GARRE1: variants seen among roughly 807,000 people sequenced by gnomAD.
GARRE1 encodes granule associated Rac and RHOG effector protein 1.
In GARRE1, 49 loss-of-function variants were observed where a neutral mutation model predicts 103.2. That is an observed-to-expected ratio of 0.47 (90% CI 0.38 to 0.60). The LOEUF (loss-of-function observed/expected upper bound fraction) is 0.60. GARRE1 is among the 20% of genes least tolerant of loss of function. The pLI is 0.00. For synonymous variants in GARRE1, 505 were observed against 532.8 expected (o/e 0.95, Z 0.72); for missense variants, 1,199 against 1,370.5 (o/e 0.87, Z 1.98).
chr19:34,285,376 C>T (rs2073880099), intron 1 of GARRE1: 1 of 152,132 alleles, frequency 6.6e-6, no homozygotes, highest in African/African-American at 2.4e-5. Context: ...AATCCCAACA[C>T]TTTGGGAGGC....
At chr19:34,302,140 G>A (rs7408565) in intron 2 of GARRE1, among the ~76,000 whole-genome samples, 6,131 of 148,880 alleles carry the variant, frequency 0.041, 186 homozygotes, top group Admixed American at 0.11. Context: ...ACAGGCATGC[G>A]CCACCATGCC....
At position 34,342,833 on chromosome 19, in the gene GARRE1, C is replaced by T. The variant is rs528765316; in HGVS notation, c.2521+378C>T. ...TCCTGATTATATAACCTGTTCTTTG[C>T]GATGCTTTTTTTTTTTGCCTAAACT... On this transcript the variant is annotated intron_variant, in intron 10 of 13. Transcript: ENST00000299505. Among the ~76,000 whole-genome samples the T allele has an allele frequency of 3.3e-5, 5 of 151,476 alleles. No homozygotes were observed. The East Asian group carries it at 7.7e-4, about 23-fold the overall frequency.
rs373614902 is a variant in GARRE1, at chr19:34,327,724, T to G, written c.847-47T>G. ...CTATTTCCATTGAACTTTGTCATCT[T>G]ATAATTTGCTTTACGATCTTGATTG... On this transcript the variant is annotated intron_variant, in intron 4 of 13. Coordinates refer to ENST00000299505, the MANE Select transcript of GARRE1 (RefSeq NM_014686.5). 9.6e-6 allele frequency: 15 copies of G among 1,556,094 alleles called. No individual in the cohort carries two copies. In the African/African-American group the frequency reaches 1.6e-4, roughly 17 times the overall value.
chr19:34,296,247 T>A (rs1456237594), intron 1 of GARRE1: 1 of 639,436 alleles, frequency 1.6e-6, no homozygotes, highest in South Asian at 2.0e-5. Flanking sequence ...CAGCAGTCCT[T>A]CTGTTCTCAC....
chr19:34,277,995 A>C (rs1259231087), intron 1 of GARRE1, among the ~76,000 whole-genome samples: 1 of 145,432 alleles, frequency 6.9e-6, no homozygotes, highest in Non-Finnish European at 1.5e-5. Flanking sequence ...TCTTAATATC[A>C]TTATTGACTC....
chr19:34,292,554 G>A (rs2073924084), intron 1 of GARRE1, among the ~76,000 whole-genome samples: 1 of 152,042 alleles, frequency 6.6e-6, no homozygotes, highest in Non-Finnish European at 1.5e-5. Context: ...CTGCCAAACT[G>A]TTCCATAGTA....
In GARRE1 at chr19:34,321,755, C is replaced by T. The variant is rs192793067; in HGVS notation, c.705+1639C>T. On this transcript the variant is annotated intron_variant, in intron 3 of 13. Transcript: ENST00000299505. ...CCTCTGAAAGTGCTGGGATTACAGG[C>T]GTGAGCCACTGCACTGGGCCAACAT... 7.2e-5 allele frequency among the ~76,000 whole-genome samples: 11 copies of T among 152,300 alleles called. No homozygotes were observed. The East Asian group carries it at 7.7e-4, about 11-fold the overall frequency.
At chr19:34,316,601 G>A (rs2074061663) in intron 2 of GARRE1, among the ~76,000 whole-genome samples, 1 of 152,180 alleles carries the variant, frequency 6.6e-6, no homozygotes, top group South Asian at 2.1e-4. Flanking sequence ...AGAAGGTGGT[G>A]GTTATGCATC....
At chr19:34,279,243 A>G (rs926690330) in intron 1 of GARRE1, among the ~76,000 whole-genome samples, 4 of 152,126 alleles carry the variant, frequency 2.6e-5, no homozygotes, top group African/African-American at 9.7e-5. Flanking sequence ...GCACTATTTT[A>G]TATTCCCACT....
At chr19:34,317,078 T>G (rs1351671753) in intron 2 of GARRE1, among the ~76,000 whole-genome samples, 1 of 152,216 alleles carries the variant, frequency 6.6e-6, no homozygotes, top group Non-Finnish European at 1.5e-5. Flanking sequence ...CTTCAGCCAT[T>G]CCTCAGAACT....
chr19:34,302,009 T>TA (rs1264973363), intron 2 of GARRE1, among the ~76,000 whole-genome samples: 3 of 108,910 alleles, frequency 2.8e-5, no homozygotes, highest in Admixed American at 1.0e-4. Flanking sequence ...TTTTTTTTTT[T>TA]AAGTCAGTTT....
Position 34,277,913 on chromosome 19 carries a change from C to CA in GARRE1, c.-795-21765dup, listed in dbSNP as rs2073827097. Among the ~76,000 whole-genome samples the CA allele has an allele frequency of 3.1e-5, 3 of 96,594 alleles. No homozygotes were observed. The East Asian group carries it at 1.3e-3, about 41-fold the overall frequency. The allele number at this position is 96,594 out of a possible 152,430, so 63.4% of individuals were successfully genotyped here. On this transcript the variant is annotated intron_variant, in intron 1 of 13. Coordinates refer to ENST00000299505, the MANE Select transcript of GARRE1 (RefSeq NM_014686.5). ...AATGCTTGATTTCACCCCCCCCCCC[C>CA]ACCCCCAGCAGTTTTCAGAACAATA...
intron 1 of GARRE1, among the ~76,000 whole-genome samples, chr19:34,274,072 G>T (rs988925259): frequency 5.3e-5 from 8 of 152,134 alleles, no homozygotes; most frequent in South Asian, 2.1e-4. Flanking sequence ...CTTTGGTACG[G>T]CAGTGAAGAT....
At chr19:34,350,385 A>G (rs1438325246) in intron 12 of GARRE1, among the ~76,000 whole-genome samples, 1 of 152,174 alleles carries the variant, frequency 6.6e-6, no homozygotes, top group African/African-American at 2.4e-5. Flanking sequence ...TTTCTTTCAG[A>G]CATATGACTG....
chr19:34,342,297 T>C lies in GARRE1; in HGVS notation c.2363T>C (p.Leu788Ser), dbSNP rs997432581. The C allele has an allele frequency of 6.2e-7, 1 of 1,614,212 alleles. No individual in the cohort carries two copies. Among genetic ancestry groups the C allele is most frequent in the Non-Finnish European group, 8.5e-7 (1 of 1,180,032 alleles). Residue 788 changes from leucine (L) to serine (S), a missense_variant, in exon 10 of 14, where the codon TTG (leucine) becomes TCG (serine). Coordinates refer to ENST00000299505, the MANE Select transcript of GARRE1 (RefSeq NM_014686.5). ...WPGISDLSSD[L>S]YSLGLVSSYM... ...GGCATATCTGATCTCAGTTCTGACT[T>C]GTACAGCTTGGGTCTGGTGAGCAGC...
chr19:34,331,025 G>A (rs7246087), intron 7 of GARRE1, among the ~76,000 whole-genome samples: 7,037 of 150,466 alleles, frequency 0.047, 528 homozygotes, highest in African/African-American at 0.16. Context: ...TCGGCTTCCC[G>A]AGTAGCTGGG....
chr19:34,270,794 A>G (rs755609875), intron 1 of GARRE1, among the ~76,000 whole-genome samples: 5 of 152,234 alleles, frequency 3.3e-5, no homozygotes, highest in Admixed American at 2.6e-4. Context: ...TAACTTGAAT[A>G]TGGAAGGTGC....
chr19:34,264,906 C>T lies in GARRE1; in HGVS notation c.-796+10292C>T, dbSNP rs571330321. 7.2e-5 allele frequency among the ~76,000 whole-genome samples: 11 copies of T among 152,218 alleles called. No homozygotes were observed. The South Asian group carries it at 1.2e-3, about 17-fold the overall frequency. On this transcript the variant is annotated intron_variant, in intron 1 of 13. Coordinates refer to ENST00000299505, the MANE Select transcript of GARRE1 (RefSeq NM_014686.5). ...CAGTGTTGCCAGTGAGTGTTCTTGA[C>T]GCAGGCCTCTACATTAACCGTGAGT...
chr19:34,255,980 T>G (rs943681749), intron 1 of GARRE1, among the ~76,000 whole-genome samples: 40 of 151,792 alleles, frequency 2.6e-4, no homozygotes, highest in Non-Finnish European at 7.4e-5. Context: ...TAGCTGAGAT[T>G]ACAGGCACCC....
Sources: gnomAD v4.1 joint callset for allele counts (sites outside exome capture counted in the v4.1 genomes callset) on GRCh38, gnomAD v4.1.1 for gene constraint, MANE v1.5 for transcripts, NCBI Gene and HGNC (gene_info 2026-07-23, HGNC 2026-07-21) for gene names.